The following TRHDE variants were observed in gnomAD, a reference collection of about 807,000 sequenced individuals.
The protein encoded by TRHDE is thyrotropin releasing hormone degrading enzyme.
In TRHDE, 72 loss-of-function variants were observed where a neutral mutation model predicts 125.7. The ratio of observed to expected loss-of-function variants is 0.57; its 90% CI spans 0.47 to 0.70. The LOEUF (loss-of-function observed/expected upper bound fraction) is 0.70, where lower values mean the gene tolerates loss of function less well. TRHDE is among the 30% of genes least tolerant of loss of function. The pLI, the probability that TRHDE is intolerant of heterozygous loss-of-function variation, is 0.00. For missense variants in TRHDE, 1,110 were observed against 1,327.1 expected, an observed-to-expected ratio of 0.84 and a Z score of 2.54; for synonymous variants, 509 against 509.1, an observed-to-expected ratio of 1.00 and a Z score of 0.00.
intron 2 of TRHDE, among the ~76,000 whole-genome samples, chr12:72,217,604 T>C (rs745418841): frequency 6.6e-6 from 1 of 152,152 alleles, no homozygotes; most frequent in Non-Finnish European, 1.5e-5. Flanking sequence ...CCCTGCTCCA[T>C]CATTCCAACT....
intron 2 of TRHDE, among the ~76,000 whole-genome samples, chr12:72,238,311 TATATATATATAC>T (rs1260011400): frequency 1.8e-4 from 6 of 32,562 alleles, no homozygotes; most frequent in Non-Finnish European, 2.5e-4. Flanking sequence ...TATATATATA[TATATATATATAC>T]ATATATATAT....
At chr12:72,299,653 G>C (rs1227800600) in intron 2 of TRHDE, among the ~76,000 whole-genome samples, 1 of 152,142 alleles carries the variant, frequency 6.6e-6, no homozygotes, top group Admixed American at 6.6e-5. Flanking sequence ...AGTTCATATA[G>C]ATGTAGGACT....
chr12:72,330,540 G>C (rs922699162), intron 2 of TRHDE, among the ~76,000 whole-genome samples: 1 of 152,094 alleles, frequency 6.6e-6, no homozygotes, highest in East Asian at 1.9e-4. Flanking sequence ...TCAGCGGCTG[G>C]TAATTAGACC....
chr12:72,205,779 G>A (rs189551516), intron 2 of TRHDE, among the ~76,000 whole-genome samples: 8 of 152,260 alleles, frequency 5.3e-5, no homozygotes, highest in Admixed American at 3.3e-4. Flanking sequence ...CATTGAGGTT[G>A]CTTTCACATT....
At chr12:72,609,966 C>T (rs1356191138) in intron 12 of TRHDE, among the ~76,000 whole-genome samples, 2 of 152,172 alleles carry the variant, frequency 1.3e-5, no homozygotes, top group Admixed American at 1.3e-4. Flanking sequence ...GAATTCCATA[C>T]TACCTTTAAG....
chr12:72,165,599 C>T (rs1876726889), intron 2 of TRHDE, among the ~76,000 whole-genome samples: 2 of 151,780 alleles, frequency 1.3e-5, no homozygotes, highest in Admixed American at 6.6e-5. Flanking sequence ...TTTATATATA[C>T]ATGTATGTAT....
intron 2 of TRHDE, among the ~76,000 whole-genome samples, chr12:72,289,170 T>A (rs112639095): frequency 0.029 from 4,429 of 152,210 alleles, 101 homozygotes; most frequent in Admixed American, 0.042. Flanking sequence ...TGTGGGATGA[T>A]CACATGAAGT....
At chr12:72,420,612 G>T (rs1417396912) in intron 3 of TRHDE, among the ~76,000 whole-genome samples, 2 of 152,114 alleles carry the variant, frequency 1.3e-5, no homozygotes, top group Non-Finnish European at 2.9e-5. Flanking sequence ...CTTGGAAAAA[G>T]CTAAGGGGAT....
At chr12:72,562,449 A>C (rs540588593) in intron 8 of TRHDE, among the ~76,000 whole-genome samples, 3 of 152,078 alleles carry the variant, frequency 2.0e-5, no homozygotes, top group African/African-American at 7.2e-5. Flanking sequence ...CCTACTTTCA[A>C]ACATGACAAT....
intron 2 of TRHDE, among the ~76,000 whole-genome samples, chr12:72,246,996 G>T (rs1308674727): frequency 6.6e-6 from 1 of 152,220 alleles, no homozygotes; most frequent in South Asian, 2.1e-4. Context: ...TGTATATATT[G>T]CATGCTAAAG....
intron 4 of TRHDE, among the ~76,000 whole-genome samples, chr12:72,471,136 C>T (rs1876629706): frequency 6.6e-6 from 1 of 152,066 alleles, no homozygotes; most frequent in Non-Finnish European, 1.5e-5. Flanking sequence ...CCTCGACCTC[C>T]CAAAGTGCTG....
intron 2 of TRHDE, among the ~76,000 whole-genome samples, chr12:72,307,330 A>AT (rs11323954): frequency 0.37 from 50,694 of 136,948 alleles, 9,761 homozygotes; most frequent in South Asian, 0.57. Context: ...ATACCCAGCT[A>AT]TTTTTTTTTT....
At chr12:72,478,944 A>G (rs1877031246) in intron 5 of TRHDE, among the ~76,000 whole-genome samples, 1 of 150,992 alleles carries the variant, frequency 6.6e-6, no homozygotes, top group Non-Finnish European at 1.5e-5. Context: ...AAAAAAAACA[A>G]AAACAGTTAA....
intron 2 of TRHDE, among the ~76,000 whole-genome samples, chr12:72,310,793 C>A (rs1297664985): frequency 6.6e-6 from 1 of 152,070 alleles, no homozygotes; most frequent in African/African-American, 2.4e-5. Context: ...ATTTGACAGT[C>A]CCTAATCAAT....
chr12:72,157,120 T>C (rs1478834908), intron 2 of TRHDE, among the ~76,000 whole-genome samples: 1 of 151,426 alleles, frequency 6.6e-6, no homozygotes. Context: ...ATTTTTTCTT[T>C]TTCTTTTTTT....
chr12:72,582,843 C>T lies in TRHDE; in HGVS notation c.2321+7301C>T, dbSNP rs147174668. On this transcript the variant is annotated intron_variant, in intron 12 of 18. Transcript: ENST00000261180. ...GATCCTAGATCCCTCTAATATCCTG[C>T]CTAATGCTTTATAACTGTTGATTTT... Among the ~76,000 whole-genome samples, 17 of 152,226 alleles carry T rather than the reference C, an allele frequency of 1.1e-4. No individual in the cohort carries two copies. In the East Asian group the frequency reaches 3.3e-3, roughly 29 times the overall value.
chr12:72,320,637 A>G (rs1869043806), intron 2 of TRHDE, among the ~76,000 whole-genome samples: 1 of 151,880 alleles, frequency 6.6e-6, no homozygotes, highest in Non-Finnish European at 1.5e-5. Flanking sequence ...AATAAAAGCA[A>G]CACCTTAATT....
chr12:72,091,852 T>C (rs1874799961), intron 1 of TRHDE, among the ~76,000 whole-genome samples: 1 of 152,144 alleles, frequency 6.6e-6, no homozygotes, highest in Non-Finnish European at 1.5e-5. Flanking sequence ...AGCTGACCAA[T>C]AGTTACCTCC....
At chr12:72,378,545 A>G (rs1943452860) in intron 3 of TRHDE, among the ~76,000 whole-genome samples, 5 of 152,138 alleles carry the variant, frequency 3.3e-5, no homozygotes. Flanking sequence ...TGGGATTTCA[A>G]ACTAGGTCTT....
Sources: allele counts gnomAD v4.1 joint callset (sites outside exome capture counted in the v4.1 genomes callset), GRCh38; gene constraint gnomAD v4.1.1; transcripts MANE v1.5; gene names NCBI Gene and HGNC (gene_info 2026-07-23, HGNC 2026-07-21).